TENM3: variants seen among roughly 807,000 people sequenced by gnomAD.
TENM3 encodes teneurin-3.
Under a neutral mutation model 255.1 loss-of-function variants are expected in TENM3, and 63 were observed. The observed-to-expected ratio is 0.25, with a 90% CI of 0.20 to 0.30. The LOEUF (loss-of-function observed/expected upper bound fraction) is 0.30. Among genes scored for constraint, TENM3 ranks in the 10% least tolerant of loss-of-function variants. The pLI, the probability that TENM3 is intolerant of heterozygous loss-of-function variation, is 1.00. For missense variants in TENM3, 2,929 were observed against 3,461.1 expected, an observed-to-expected ratio of 0.85 and a Z score of 3.86; for synonymous variants, 1,306 against 1,322.3, an observed-to-expected ratio of 0.99 and a Z score of 0.27.
At chr4:182,674,711 G>T (rs1396394086) in intron 7 of TENM3, among the ~76,000 whole-genome samples, 1 of 151,982 alleles carries the variant, frequency 6.6e-6, no homozygotes, top group Admixed American at 6.6e-5. Flanking sequence ...GGGTAGCTGG[G>T]ACTACAGATG....
chr4:182,017,465 T>C, the TENM3 span, among the ~76,000 whole-genome samples: 1 of 152,236 alleles, frequency 6.6e-6, no homozygotes, highest in Admixed American at 6.5e-5. Flanking sequence ...CATATTATAC[T>C]TGTATATAAT....
chr4:181,662,074 T>A, the TENM3 span, among the ~76,000 whole-genome samples: 1 of 152,190 alleles, frequency 6.6e-6, no homozygotes. Flanking sequence ...GTTCTAAAAG[T>A]AAAATAGCCA....
intron 3 of TENM3, among the ~76,000 whole-genome samples, chr4:182,438,833 T>C (rs1258658390): frequency 6.6e-6 from 1 of 152,368 alleles, no homozygotes; most frequent in East Asian, 1.9e-4. Flanking sequence ...TTTTTAAAAT[T>C]CATTTGAATG....
rs113708123 is a variant in TENM3 at position 182,772,923 on chromosome 4, T to C, written c.4893-549T>C. 6.2e-3 allele frequency among the ~76,000 whole-genome samples: 945 copies of C among 152,360 alleles called. 15 individuals are homozygous for C. Among genetic ancestry groups the C allele is most frequent in the African/African-American group, 0.021 (886 of 41,586 alleles). ...GCATTCAAGCTCTAATTTACCATTA[T>C]GAAGTATGTCAATCACTGAGAAATA... On this transcript the variant is annotated intron_variant, in intron 22 of 27. Transcript: ENST00000511685.
At chr4:181,595,535 C>A in the TENM3 span, among the ~76,000 whole-genome samples, 1 of 151,318 alleles carries the variant, frequency 6.6e-6, no homozygotes, top group Non-Finnish European at 1.5e-5. Flanking sequence ...GGACCAGCAA[C>A]GTGGATTTCA....
At chr4:181,462,021 C>T in the TENM3 span, among the ~76,000 whole-genome samples, 20,216 of 152,136 alleles carry the variant, frequency 0.13, 1,526 homozygotes, top group East Asian at 0.28. Flanking sequence ...GTCCTGGGTA[C>T]AGTTCAGTTA....
At chr4:182,769,335 G>A (rs1367229427) in intron 22 of TENM3, among the ~76,000 whole-genome samples, 2 of 151,800 alleles carry the variant, frequency 1.3e-5, no homozygotes, top group East Asian at 1.9e-4. Context: ...GAGTCCCCGG[G>A]TCATTTTTCT....
At chr4:182,690,116 A>G (rs1035393738) in intron 12 of TENM3, among the ~76,000 whole-genome samples, 4 of 151,386 alleles carry the variant, frequency 2.6e-5, no homozygotes, top group Non-Finnish European at 4.4e-5. Context: ...GATGCCAGCC[A>G]AGGGCCAGCC....
the TENM3 span, among the ~76,000 whole-genome samples, chr4:181,688,658 G>T: frequency 0.78 from 118,980 of 152,026 alleles, 46,912 homozygotes; most frequent in Admixed American, 0.88. Context: ...CATTTCCTGT[G>T]GTAAAATGGA....
At position 182,230,812 on chromosome 4, in the gene TENM3, C is replaced by A. The variant is rs1466045972; in HGVS notation, c.-76+86058C>A. Among the ~76,000 whole-genome samples the A allele has an allele frequency of 1.7e-3, 100 of 58,024 alleles. 1 individual carries two copies. The highest frequency in any genetic ancestry group is 9.1e-3 in the South Asian group (10 of 1,102). The allele number at this position is 58,024 out of a possible 152,430, so 38.1% of individuals were successfully genotyped here. ...GCTATATTAAATACAGTTTCTCAAA[C>A]TATATATATATATATATATATATAT... On this transcript the variant is annotated intron_variant, in intron 1 of 2. Transcript: ENST00000512480.
chr4:182,767,619 GTATATACACTACGTATACTA>G (rs1258879665), intron 22 of TENM3, among the ~76,000 whole-genome samples: 2 of 152,196 alleles, frequency 1.3e-5, no homozygotes, highest in East Asian at 3.9e-4. Flanking sequence ...ACATACACAC[GTATATACACTACGTATACTA>G]TATATACACA....
chr4:182,532,957 C>T (rs540998962), intron 3 of TENM3, among the ~76,000 whole-genome samples: 19 of 152,146 alleles, frequency 1.2e-4, no homozygotes, highest in Admixed American at 4.6e-4. Flanking sequence ...AATAAATGCA[C>T]CTTTCACAGT....
At chr4:181,498,868 G>A in the TENM3 span, among the ~76,000 whole-genome samples, 1 of 152,286 alleles carries the variant, frequency 6.6e-6, no homozygotes, top group African/African-American at 2.4e-5. Context: ...TTAACTAGGA[G>A]AAGGGTTAGA....
intron 3 of TENM3, among the ~76,000 whole-genome samples, chr4:182,581,937 G>C (rs1745533723): frequency 6.6e-6 from 1 of 151,924 alleles, no homozygotes; most frequent in African/African-American, 2.4e-5. Context: ...TAGCATAAGA[G>C]GGAGGAAAAT....
chr4:182,331,194 A>C (rs1763730807), intron 2 of TENM3, among the ~76,000 whole-genome samples: 1 of 152,194 alleles, frequency 6.6e-6, no homozygotes, highest in Admixed American at 6.5e-5. Context: ...ATGAATAATC[A>C]AAAAACAAGA....
At chr4:181,903,280 C>G in the TENM3 span, among the ~76,000 whole-genome samples, 7 of 152,222 alleles carry the variant, frequency 4.6e-5, no homozygotes, top group South Asian at 8.3e-4. Context: ...TTCAACTCTT[C>G]CACCAATTTG....
chr4:182,142,925 G>C (rs1303787412), upstream of TENM3: 1 of 167,024 alleles, frequency 6.0e-6, no homozygotes, highest in Non-Finnish European at 1.5e-5. Context: ...TCGCCCATTC[G>C]GAGCTACAAA....
Position 182,744,375 on chromosome 4 carries a change from CAGTT to C in TENM3, c.3629+957_3629+960del, listed in dbSNP as rs59657287. Among the ~76,000 whole-genome samples the C allele has an allele frequency of 6.6e-3, 1,007 of 152,106 alleles. 6 individuals carry two copies. Among genetic ancestry groups the C allele is most frequent in the African/African-American group, 0.023 (957 of 41,502 alleles). ...GTGATATAATTTGAGAAATCTTTCT[CAGTT>C]GGTTCATAAAATAAATTTCATTACA... On this transcript the variant is annotated intron_variant, in intron 19 of 27. Coordinates refer to ENST00000511685, the MANE Select transcript of TENM3 (RefSeq NM_001080477.4).
intron 1 of TENM3, among the ~76,000 whole-genome samples, chr4:182,202,814 T>C (rs1401481368): frequency 6.6e-6 from 1 of 152,150 alleles, no homozygotes; most frequent in African/African-American, 2.4e-5. Flanking sequence ...AGAGAACCTG[T>C]GCCTGTAAGG....
Sources: gnomAD v4.1 joint callset for allele counts (sites outside exome capture counted in the v4.1 genomes callset) on GRCh38, gnomAD v4.1.1 for gene constraint, MANE v1.5 for transcripts, NCBI Gene and HGNC (gene_info 2026-07-23, HGNC 2026-07-21) for gene names.